Variants in SGCD observed in about 807,000 individuals in gnomAD.
SGCD encodes sarcoglycan delta.
Under a neutral mutation model 36.6 loss-of-function variants are expected in SGCD, and 18 were observed. The ratio of observed to expected loss-of-function variants is 0.49; its 90% confidence interval spans 0.34 to 0.73. The LOEUF is 0.73. Among genes scored for constraint, SGCD ranks in the 30% least tolerant of loss-of-function variants. The pLI is 0.01. For synonymous variants in SGCD, 133 were observed against 130.6 expected, an observed-to-expected ratio of 1.02 and a Z score of -0.12; for missense variants, 387 against 346.7, an observed-to-expected ratio of 1.12 and a Z score of -0.92.
chr5:155,796,871 G>T, the SGCD span, among the ~76,000 whole-genome samples: 2 of 127,594 alleles, frequency 1.6e-5, no homozygotes, highest in Admixed American at 7.6e-5. Context: ...ACTAGAAAAA[G>T]ATTAACAAAC....
At chr5:156,463,534 T>C (rs927547800) in intron 3 of SGCD, among the ~76,000 whole-genome samples, 2 of 152,128 alleles carry the variant, frequency 1.3e-5, no homozygotes, top group South Asian at 4.1e-4. Flanking sequence ...GGAATGTTTT[T>C]TGTTGAAATT....
At chr5:155,893,075 A>G (rs558862910) in intron 1 of SGCD, among the ~76,000 whole-genome samples, 6 of 152,282 alleles carry the variant, frequency 3.9e-5, no homozygotes, top group African/African-American at 1.4e-4. Flanking sequence ...ACTATAATTA[A>G]TAACAATGTT....
chr5:156,622,427 T>C (rs1342118625), intron 6 of SGCD, among the ~76,000 whole-genome samples: 1 of 116,848 alleles, frequency 8.6e-6, no homozygotes, highest in African/African-American at 3.1e-5. Context: ...GGCAAGACTC[T>C]GTCTAAAAAA....
chr5:155,812,110 C>T, the SGCD span, among the ~76,000 whole-genome samples: 1 of 152,156 alleles, frequency 6.6e-6, no homozygotes, highest in Admixed American at 6.5e-5. Flanking sequence ...AGCTAGACAA[C>T]CGGTTAGACC....
intron 7 of SGCD, among the ~76,000 whole-genome samples, chr5:156,680,923 C>T (rs1187956620): frequency 6.6e-6 from 1 of 152,202 alleles, no homozygotes; most frequent in East Asian, 1.9e-4. Flanking sequence ...CCACTGGCCA[C>T]TCCTCATGGG....
At chr5:155,764,818 C>A in the SGCD span, among the ~76,000 whole-genome samples, 1 of 152,110 alleles carries the variant, frequency 6.6e-6, no homozygotes, top group Non-Finnish European at 1.5e-5. Flanking sequence ...ATGCTAAGAC[C>A]ATGATAAGAT....
chr5:156,173,793 C>T (rs181035029), intron 3 of SGCD, among the ~76,000 whole-genome samples: 14 of 150,518 alleles, frequency 9.3e-5, no homozygotes, highest in African/African-American at 3.4e-4. Context: ...CTTACCTTGA[C>T]CTTTCATGCT....
At chr5:156,534,974 T>C (rs1227166991) in intron 4 of SGCD, among the ~76,000 whole-genome samples, 1 of 152,232 alleles carries the variant, frequency 6.6e-6, no homozygotes, top group Non-Finnish European at 1.5e-5. Flanking sequence ...TTCCTTATAT[T>C]CATCTCCATT....
intron 1 of SGCD, among the ~76,000 whole-genome samples, chr5:156,012,614 ATTTT>A (rs56739452): frequency 7.2e-6 from 1 of 138,626 alleles, no homozygotes. Flanking sequence ...CACAGAGATA[ATTTT>A]TTTTTTTTTT....
intron 7 of SGCD, among the ~76,000 whole-genome samples, chr5:156,736,997 A>C (rs1756405793): frequency 6.6e-6 from 1 of 152,186 alleles, no homozygotes; most frequent in Non-Finnish European, 1.5e-5. Context: ...GTAATATAAA[A>C]TTGCAAAGTA....
chr5:156,025,257 G>C (rs536471982), intron 1 of SGCD, among the ~76,000 whole-genome samples: 26 of 152,264 alleles, frequency 1.7e-4, no homozygotes, highest in South Asian at 1.5e-3. Flanking sequence ...AGGTCACACA[G>C]AAGCTTTCCT....
chr5:156,756,277 T>G (rs1239552122), intron 7 of SGCD, among the ~76,000 whole-genome samples: 1 of 152,204 alleles, frequency 6.6e-6, no homozygotes. Flanking sequence ...TTGGGTATGA[T>G]GGTTCACGCT....
At chr5:156,215,676 G>C (rs1466622252) in intron 3 of SGCD, among the ~76,000 whole-genome samples, 1 of 152,054 alleles carries the variant, frequency 6.6e-6, no homozygotes, top group Non-Finnish European at 1.5e-5. Context: ...AATGATGAAA[G>C]ATGGCTGTTA....
At chr5:156,141,428 A>G (rs539935908) in intron 3 of SGCD, among the ~76,000 whole-genome samples, 3 of 152,206 alleles carry the variant, frequency 2.0e-5, no homozygotes, top group Admixed American at 6.5e-5. Context: ...GTGAGAACTG[A>G]TATGTGGGCT....
At chr5:156,388,471 T>C (rs1470743569) in intron 3 of SGCD, among the ~76,000 whole-genome samples, 1 of 152,216 alleles carries the variant, frequency 6.6e-6, no homozygotes, top group East Asian at 1.9e-4. Context: ...TCAGTTGTTA[T>C]TTCATTTGCA....
chr5:156,265,780 A>G (rs1765984793), intron 3 of SGCD, among the ~76,000 whole-genome samples: 1 of 152,116 alleles, frequency 6.6e-6, no homozygotes, highest in African/African-American at 2.4e-5. Flanking sequence ...GCATAATGGA[A>G]TAAGAAGTAT....
At chr5:156,417,410 A>G (rs1004352151) in intron 3 of SGCD, among the ~76,000 whole-genome samples, 2 of 152,326 alleles carry the variant, frequency 1.3e-5, no homozygotes, top group African/African-American at 4.8e-5. Flanking sequence ...TCACAGGTAA[A>G]TGGATAAAGC....
chr5:156,752,138 G>T (rs964080931), intron 7 of SGCD, among the ~76,000 whole-genome samples: 2 of 152,210 alleles, frequency 1.3e-5, no homozygotes, highest in East Asian at 3.8e-4. Context: ...ACATCATATT[G>T]AGGAGGGAAA....
At chr5:155,769,330 C>T in the SGCD span, among the ~76,000 whole-genome samples, 1 of 149,472 alleles carries the variant, frequency 6.7e-6, no homozygotes, top group Non-Finnish European at 1.5e-5. Flanking sequence ...TTTAAGCGTA[C>T]ACCTGTATTT....
Sources: gnomAD v4.1 joint callset for allele counts (sites outside exome capture counted in the v4.1 genomes callset) on GRCh38, gnomAD v4.1.1 for gene constraint, MANE v1.5 for transcripts, NCBI Gene and HGNC (gene_info 2026-07-23, HGNC 2026-07-21) for gene names.